Variants in VAV3 observed in about 807,000 individuals in gnomAD.
VAV3 encodes guanine nucleotide exchange factor VAV3.
A neutral mutation model predicts 131.2 loss-of-function variants in VAV3; 94 were observed. The ratio of observed to expected loss-of-function variants is 0.72; its 90% CI spans 0.61 to 0.85. The LOEUF (loss-of-function observed/expected upper bound fraction) is 0.85. Among genes scored for constraint, VAV3 ranks in the 40% least tolerant of loss-of-function variants. VAV3 has a pLI of 0.00. For synonymous variants in VAV3, 349 were observed against 342.0 expected (o/e 1.02, Z -0.22); for missense variants, 939 against 1,002.7 (o/e 0.94, Z 0.86).
At chr1:107,877,530 A>C (rs1056198570) in intron 1 of VAV3, among the ~76,000 whole-genome samples, 2 of 152,190 alleles carry the variant, frequency 1.3e-5, no homozygotes, top group African/African-American at 4.8e-5. Flanking sequence ...GAAATATTGC[A>C]TGCACAGAAG....
intron 2 of VAV3, among the ~76,000 whole-genome samples, chr1:107,860,438 C>A (rs1445489006): frequency 6.6e-6 from 1 of 151,640 alleles, no homozygotes; most frequent in African/African-American, 2.4e-5. Flanking sequence ...TTCCAAATTA[C>A]CACTGGGAAC....
At chr1:107,599,087 G>A (rs762871596) in intron 24 of VAV3, among the ~76,000 whole-genome samples, 3 of 151,830 alleles carry the variant, frequency 2.0e-5, no homozygotes, top group Admixed American at 1.3e-4. Flanking sequence ...TTTAATACTC[G>A]CCCACCCCCA....
intron 20 of VAV3, among the ~76,000 whole-genome samples, chr1:107,626,785 G>C (rs1476560737): frequency 6.6e-6 from 1 of 152,292 alleles, no homozygotes; most frequent in South Asian, 2.1e-4. Flanking sequence ...TTACTCTCTG[G>C]TTTATAACCC....
intron 19 of VAV3, among the ~76,000 whole-genome samples, chr1:107,644,159 CT>C (rs1462692389): frequency 6.6e-6 from 1 of 152,170 alleles, no homozygotes; most frequent in African/African-American, 2.4e-5. Flanking sequence ...AACAGACTTG[CT>C]CTCAATACAC....
At chr1:107,768,638 T>A in intron 6 of VAV3, 129 bp from the exon 7 acceptor site, 2 of 597,638 alleles carry the variant, frequency 3.3e-6, no homozygotes, top group Non-Finnish European at 2.8e-6. Context: ...ACACCAAAAT[T>A]GTAGAAACTA....
At chr1:107,770,292 T>A (rs989465385) in intron 6 of VAV3, among the ~76,000 whole-genome samples, 1 of 151,032 alleles carries the variant, frequency 6.6e-6, no homozygotes, top group African/African-American at 2.4e-5. Context: ...TCCCCCCCCA[T>A]CACTCTCTAT....
intron 2 of VAV3, among the ~76,000 whole-genome samples, chr1:107,801,798 C>T (rs1484482125): frequency 3.3e-5 from 5 of 152,158 alleles, no homozygotes; most frequent in East Asian, 3.9e-4. Context: ...TTGTTCATTG[C>T]TCAACTAAAC....
chr1:107,722,162 T>C (rs1661541102), intron 15 of VAV3, among the ~76,000 whole-genome samples: 1 of 152,228 alleles, frequency 6.6e-6, no homozygotes, highest in African/African-American at 2.4e-5. Context: ...CAGAATGGCC[T>C]GAACACAGCC....
intron 2 of VAV3, among the ~76,000 whole-genome samples, chr1:107,835,122 T>C (rs1668413931): frequency 6.6e-6 from 1 of 152,168 alleles, no homozygotes; most frequent in Non-Finnish European, 1.5e-5. Flanking sequence ...AGGGCTATAT[T>C]TTCTGCAGGA....
chr1:107,636,400 A>G (rs1284360447), intron 20 of VAV3, among the ~76,000 whole-genome samples: 2 of 152,196 alleles, frequency 1.3e-5, no homozygotes, highest in African/African-American at 2.4e-5. Flanking sequence ...TGAAAGAGCA[A>G]TTAGAAAGTA....
intron 1 of VAV3, among the ~76,000 whole-genome samples, chr1:107,922,896 G>C (rs373232457): frequency 6.6e-6 from 1 of 150,468 alleles, no homozygotes; most frequent in Non-Finnish European, 1.5e-5. Context: ...AGCTTGCAGT[G>C]AGCCGAGATC....
At chr1:107,859,070 GGA>G (rs1196374859) in intron 2 of VAV3, among the ~76,000 whole-genome samples, 14 of 140,944 alleles carry the variant, frequency 9.9e-5, no homozygotes, top group African/African-American at 3.1e-4. Flanking sequence ...AGATTCTTGA[GGA>G]GTTTTTTTTT....
intron 20 of VAV3, among the ~76,000 whole-genome samples, chr1:107,625,047 A>C (rs1371451237): frequency 4.6e-5 from 7 of 152,046 alleles, no homozygotes; most frequent in African/African-American, 1.4e-4. Context: ...TAGGTCATTC[A>C]ACCCTTCTTG....
chr1:107,638,897 T>G (rs1423034931), intron 20 of VAV3, among the ~76,000 whole-genome samples: 1 of 151,938 alleles, frequency 6.6e-6, no homozygotes, highest in Non-Finnish European at 1.5e-5. Flanking sequence ...TGAAGATATA[T>G]ATACACACAC....
chr1:107,665,443 C>T (rs1657344204), intron 19 of VAV3, among the ~76,000 whole-genome samples: 1 of 152,122 alleles, frequency 6.6e-6, no homozygotes, highest in East Asian at 1.9e-4. Flanking sequence ...TAGACTACTC[C>T]CATTGTATCC....
chr1:107,963,135 T>A (rs1006543762), intron 1 of VAV3, among the ~76,000 whole-genome samples: 2 of 152,130 alleles, frequency 1.3e-5, no homozygotes, highest in African/African-American at 4.8e-5. Flanking sequence ...GAAAACGTGA[T>A]TATTGAGAGC....
chr1:107,962,891 G>T (rs980246997), intron 1 of VAV3, among the ~76,000 whole-genome samples: 17 of 151,984 alleles, frequency 1.1e-4, no homozygotes, highest in African/African-American at 3.9e-4. Flanking sequence ...ATTCCTTTAG[G>T]GCAAGTATCC....
chr1:107,591,412 G>GATGA (rs144004213), intron 25 of VAV3, among the ~76,000 whole-genome samples: 25 of 152,004 alleles, frequency 1.6e-4, no homozygotes, highest in East Asian at 5.8e-4. Context: ...AGGATAAAGG[G>GATGA]ATGAATGAAT....
At chr1:107,896,741 TA>T (rs75059947) in intron 1 of VAV3, among the ~76,000 whole-genome samples, 4,310 of 152,160 alleles carry the variant, frequency 0.028, 101 homozygotes, top group East Asian at 0.1. Context: ...TAATCTGTAT[TA>T]AAAAAATGGC....
Sources: gnomAD v4.1 joint callset for allele counts (sites outside exome capture counted in the v4.1 genomes callset) on GRCh38, gnomAD v4.1.1 for gene constraint, MANE v1.5 for transcripts, NCBI Gene and HGNC (gene_info 2026-07-23, HGNC 2026-07-21) for gene names.